GRIA1: variants seen among roughly 807,000 people sequenced by gnomAD.
GRIA1 encodes glutamate receptor 1.
GRIA1 carries 31 observed loss-of-function variants against 99.2 expected under a neutral mutation model. The observed-to-expected ratio is 0.31, with a 90% CI of 0.23 to 0.42. The LOEUF (loss-of-function observed/expected upper bound fraction) is 0.42, where lower values mean the gene tolerates loss of function less well. Ranked by LOEUF, GRIA1 falls within the 10% of genes least tolerant of loss-of-function variation. The pLI is 1.00. For missense variants in GRIA1, 782 were observed against 1,157.5 expected (o/e 0.68, Z 4.71); for synonymous variants, 438 against 432.4 (o/e 1.01, Z -0.16).
chr5:153,706,849 C>G (rs977841461), intron 11 of GRIA1, among the ~76,000 whole-genome samples: 9 of 152,182 alleles, frequency 5.9e-5, no homozygotes, highest in Non-Finnish European at 1.3e-4. Context: ...AATCCTAGCA[C>G]TTTGGGAGGC....
intron 2 of GRIA1, among the ~76,000 whole-genome samples, chr5:153,563,564 C>G (rs2149354904): frequency 6.6e-6 from 1 of 152,332 alleles, no homozygotes; most frequent in East Asian, 1.9e-4. Flanking sequence ...CAACATGAAA[C>G]TATAACTTCT....
Position 153,539,239 on chromosome 5 carries a change from T to G in GRIA1, c.220+45174T>G, listed in dbSNP as rs574970575. Among the ~76,000 whole-genome samples, 8 of 152,362 alleles carry G rather than the reference T, an allele frequency of 5.3e-5. No individual in the cohort carries two copies. In the South Asian group the frequency reaches 1.4e-3, roughly 28 times the overall value. ...GCAAATAGAAAAACCAGTATCACTA[T>G]TAATAGTTAGAAGCTATAAAATTAA... On this transcript the variant is annotated intron_variant, in intron 2 of 15. Coordinates refer to ENST00000285900, the MANE Select transcript of GRIA1 (RefSeq NM_000827.4).
At chr5:153,553,889 G>A (rs1347694287) in intron 2 of GRIA1, among the ~76,000 whole-genome samples, 1 of 152,078 alleles carries the variant, frequency 6.6e-6, no homozygotes, top group African/African-American at 2.4e-5. Flanking sequence ...GACATTTCTT[G>A]TGGTGGCAGC....
chr5:153,740,966 CTTTTTTTT>C (rs10601141), intron 11 of GRIA1, among the ~76,000 whole-genome samples: 2 of 76,782 alleles, frequency 2.6e-5, no homozygotes, highest in Middle Eastern at 0.022. Context: ...AAGAAATTGG[CTTTTTTTT>C]TTTTTTTTTT....
chr5:153,765,113 G>T (rs1015532468), intron 12 of GRIA1, among the ~76,000 whole-genome samples: 2 of 152,130 alleles, frequency 1.3e-5, no homozygotes, highest in African/African-American at 4.8e-5. Flanking sequence ...CTATTAAATG[G>T]TGCCAGGAGA....
intron 8 of GRIA1, among the ~76,000 whole-genome samples, chr5:153,689,262 A>G (rs947113132): frequency 6.6e-6 from 1 of 152,124 alleles, no homozygotes; most frequent in Non-Finnish European, 1.5e-5. Flanking sequence ...TAGATGCAGC[A>G]TTTTTGTGTA....
At chr5:153,591,286 A>G (rs1445030429) in intron 2 of GRIA1, among the ~76,000 whole-genome samples, 6 of 152,182 alleles carry the variant, frequency 3.9e-5, no homozygotes, top group South Asian at 2.1e-4. Flanking sequence ...AATTTTACAG[A>G]CCATTCTTAA....
At chr5:153,579,224 T>C (rs1246052962) in intron 2 of GRIA1, among the ~76,000 whole-genome samples, 1 of 152,196 alleles carries the variant, frequency 6.6e-6, no homozygotes, top group East Asian at 1.9e-4. Context: ...GTAAGATAAC[T>C]GGCCATAAAA....
chr5:153,543,024 A>T (rs1759274179), intron 2 of GRIA1, among the ~76,000 whole-genome samples: 4 of 152,256 alleles, frequency 2.6e-5, no homozygotes, highest in Admixed American at 2.6e-4. Context: ...AAGCATACAT[A>T]AAGCAATTAG....
At chr5:153,582,905 A>G (rs1195640100) in intron 2 of GRIA1, among the ~76,000 whole-genome samples, 1 of 151,994 alleles carries the variant, frequency 6.6e-6, no homozygotes, top group African/African-American at 2.4e-5. Flanking sequence ...CACAGCAATC[A>G]TCCACCTGAG....
At chr5:153,767,121 A>C (rs1763569811) in intron 12 of GRIA1, among the ~76,000 whole-genome samples, 1 of 152,188 alleles carries the variant, frequency 6.6e-6, no homozygotes, top group African/African-American at 2.4e-5. Context: ...GCCAGGTATG[A>C]GGCATTCCTA....
intron 2 of GRIA1, among the ~76,000 whole-genome samples, chr5:153,523,190 C>T (rs1309014444): frequency 1.3e-5 from 2 of 152,152 alleles, no homozygotes; most frequent in African/African-American, 2.4e-5. Flanking sequence ...CACTTCTAAC[C>T]TACTCTGGAA....
intron 11 of GRIA1, among the ~76,000 whole-genome samples, chr5:153,750,524 G>C (rs77308799): frequency 2.6e-5 from 4 of 152,072 alleles, no homozygotes; most frequent in African/African-American, 9.7e-5. Flanking sequence ...AGATGTCCTA[G>C]AGGGGAGGCT....
chr5:153,727,915 G>T lies in GRIA1; in HGVS notation c.1823+21848G>T, dbSNP rs931302454. On this transcript the variant is annotated intron_variant, in intron 11 of 15. Coordinates refer to ENST00000285900, the MANE Select transcript of GRIA1 (RefSeq NM_000827.4). Reference sequence around the variant, plus strand: ...TTCATATGGAACCAAAAAAGAGCCCGCATCGCCAAGTCAATCCTAAGCCAA... The same window carrying T: ...TTCATATGGAACCAAAAAAGAGCCCTCATCGCCAAGTCAATCCTAAGCCAA... Among the ~76,000 whole-genome samples, 6 of 151,224 alleles carry T rather than the reference G, an allele frequency of 4.0e-5. No homozygotes were observed. The East Asian group carries it at 5.8e-4, about 15-fold the overall frequency.
intron 7 of GRIA1, among the ~76,000 whole-genome samples, chr5:153,681,171 G>T (rs1756944709): frequency 6.6e-6 from 1 of 152,154 alleles, no homozygotes; most frequent in East Asian, 1.9e-4. Context: ...AAGAGAAGGA[G>T]CGTGATAGAT....
intron 8 of GRIA1, among the ~76,000 whole-genome samples, chr5:153,688,278 C>G (rs1757479737): frequency 6.6e-6 from 1 of 152,106 alleles, no homozygotes; most frequent in Non-Finnish European, 1.5e-5. Context: ...GGAACGTATC[C>G]ACTTCTTCAG....
At chr5:153,759,124 G>A (rs1201705501) in intron 11 of GRIA1, among the ~76,000 whole-genome samples, 3 of 149,980 alleles carry the variant, frequency 2.0e-5, no homozygotes, top group Admixed American at 6.6e-5. Flanking sequence ...TGTCAAAAAA[G>A]TAGAAAGATA....
intron 2 of GRIA1, among the ~76,000 whole-genome samples, chr5:153,602,273 C>T (rs1198241073): frequency 2.0e-5 from 3 of 151,634 alleles, no homozygotes; most frequent in Admixed American, 6.6e-5. Flanking sequence ...AGTAAACTAT[C>T]ACAAGGACAA....
intron 2 of GRIA1, among the ~76,000 whole-genome samples, chr5:153,506,997 C>T (rs764361343): frequency 3.3e-5 from 5 of 152,086 alleles, no homozygotes; most frequent in African/African-American, 7.2e-5. Flanking sequence ...GTGGCACACA[C>T]CTGGAATCTC....
Sources: allele counts gnomAD v4.1 joint callset (sites outside exome capture counted in the v4.1 genomes callset), GRCh38; gene constraint gnomAD v4.1.1; transcripts MANE v1.5; gene names NCBI Gene and HGNC (gene_info 2026-07-23, HGNC 2026-07-21).